Variants in ATG5 observed in about 807,000 individuals in gnomAD.
ATG5 encodes autophagy protein 5.
A neutral mutation model predicts 36.5 loss-of-function variants in ATG5; 14 were observed. The observed-to-expected ratio is 0.38, with a 90% CI of 0.25 to 0.60. The LOEUF is 0.60. ATG5 is among the 20% of genes least tolerant of loss of function. The pLI is 0.60. For missense variants in ATG5, 195 were observed against 326.7 expected, an observed-to-expected ratio of 0.60 and a Z score of 3.11; for synonymous variants, 95 against 101.5, an observed-to-expected ratio of 0.94 and a Z score of 0.38.
At chr6:106,307,855 C>T (rs1770507949) in intron 3 of ATG5, among the ~76,000 whole-genome samples, 2 of 152,010 alleles carry the variant, frequency 1.3e-5, no homozygotes, top group African/African-American at 4.8e-5. Context: ...CTTAAAAATG[C>T]AAAACATCAA....
At chr6:106,288,862 G>T (rs1000955453) in intron 4 of ATG5, among the ~76,000 whole-genome samples, 2 of 152,116 alleles carry the variant, frequency 1.3e-5, no homozygotes, top group African/African-American at 4.8e-5. Flanking sequence ...TTAAAAATTA[G>T]AGGAAATATG....
intron 5 of ATG5, among the ~76,000 whole-genome samples, chr6:106,249,248 G>C (rs918702313): frequency 1.3e-5 from 2 of 152,100 alleles, no homozygotes; most frequent in Admixed American, 1.3e-4. Context: ...ACTATTAATA[G>C]TCACTTCCCA....
intron 6 of ATG5, among the ~76,000 whole-genome samples, chr6:106,224,059 T>C (rs866293175): frequency 2.6e-5 from 4 of 152,218 alleles, no homozygotes; most frequent in Non-Finnish European, 5.9e-5. Flanking sequence ...CTGGGGCATA[T>C]GTGAAGAAAT....
intron 7 of ATG5, among the ~76,000 whole-genome samples, chr6:106,190,873 A>G (rs1775942868): frequency 6.6e-6 from 1 of 152,204 alleles, no homozygotes; most frequent in South Asian, 2.1e-4. Context: ...CATAGATACA[A>G]TGACTGTTAT....
intron 6 of ATG5, among the ~76,000 whole-genome samples, chr6:106,208,860 G>T (rs1159330392): frequency 1.3e-5 from 2 of 151,852 alleles, no homozygotes; most frequent in African/African-American, 4.8e-5. Flanking sequence ...TTAGAAAATG[G>T]GCAAAAGACA....
chr6:106,192,204 G>T lies in ATG5; in HGVS notation c.692-5528C>A, dbSNP rs998463860. 9.9e-5 allele frequency among the ~76,000 whole-genome samples: 15 copies of T among 151,160 alleles called. 2 individuals are homozygous for T. The highest frequency in any genetic ancestry group is 7.9e-4 in the Admixed American group (12 of 15,180). On this transcript the variant is annotated intron_variant, in intron 7 of 7. Coordinates refer to ENST00000369076, the MANE Select transcript of ATG5 (RefSeq NM_004849.4). ...TGTACTACAGATATATCATTTAATA[G>T]ACTTTAGGTAAGGTTATTTTTTTTA...
intron 5 of ATG5, among the ~76,000 whole-genome samples, chr6:106,274,763 C>T (rs909912244): frequency 5.9e-5 from 9 of 152,116 alleles, no homozygotes; most frequent in Admixed American, 3.9e-4. Flanking sequence ...AGAAGTCATG[C>T]AGTTAATATT....
At chr6:106,313,817 A>T (rs1770743108) in intron 2 of ATG5, among the ~76,000 whole-genome samples, 1 of 152,220 alleles carries the variant, frequency 6.6e-6, no homozygotes, top group South Asian at 2.1e-4. Flanking sequence ...TGTAATTCTA[A>T]GACTAGCCAT....
At chr6:106,322,409 TTATAATCTATGC>T (rs1771120265) in intron 1 of ATG5, among the ~76,000 whole-genome samples, 2 of 152,056 alleles carry the variant, frequency 1.3e-5, no homozygotes, top group Non-Finnish European at 2.9e-5. Context: ...AGAAAAAAAA[TTATAATCTATGC>T]TGGCTGGTCT....
intron 3 of ATG5, among the ~76,000 whole-genome samples, chr6:106,299,196 T>C (rs561238272): frequency 6.8e-4 from 103 of 152,332 alleles, no homozygotes; most frequent in Non-Finnish European, 1.2e-3. Flanking sequence ...TAAACCCTTA[T>C]ATTAAATGGC....
chr6:106,215,717 C>T (rs541256470), intron 6 of ATG5, among the ~76,000 whole-genome samples: 3 of 151,896 alleles, frequency 2.0e-5, no homozygotes, highest in Non-Finnish European at 4.4e-5. Flanking sequence ...TTCTTACATA[C>T]GGCAACCTAA....
intron 5 of ATG5, among the ~76,000 whole-genome samples, chr6:106,275,442 C>T (rs1226215099): frequency 1.3e-5 from 2 of 152,148 alleles, no homozygotes; most frequent in Non-Finnish European, 2.9e-5. Context: ...AGCTCAATTA[C>T]AGTAGTGTAA....
chr6:106,316,067 T>G (rs772658835), intron 2 of ATG5, 34 bp downstream of exon 2: 1 of 1,538,694 alleles, frequency 6.5e-7, no homozygotes, highest in Non-Finnish European at 8.9e-7. Context: ...TGGACAAGGT[T>G]AAATATCCCA....
intron 5 of ATG5, among the ~76,000 whole-genome samples, chr6:106,272,763 TC>T (rs1779500597): frequency 1.3e-5 from 2 of 152,160 alleles, no homozygotes; most frequent in East Asian, 1.9e-4. Context: ...ACTACTACGG[TC>T]CGGGCATGAT....
intron 5 of ATG5, among the ~76,000 whole-genome samples, chr6:106,279,000 T>C (rs1779770726): frequency 6.6e-6 from 1 of 152,238 alleles, no homozygotes; most frequent in South Asian, 2.1e-4. Flanking sequence ...GTTGGGGACC[T>C]GGTGTTACTT....
intron 4 of ATG5, among the ~76,000 whole-genome samples, chr6:106,286,221 A>G (rs1780073640): frequency 6.6e-6 from 1 of 152,100 alleles, no homozygotes; most frequent in African/African-American, 2.4e-5. Context: ...CAGAACTCCA[A>G]TTTGTGCATC....
At chr6:106,320,277 G>A (rs978813340) in intron 1 of ATG5, among the ~76,000 whole-genome samples, 1 of 152,176 alleles carries the variant, frequency 6.6e-6, no homozygotes, top group Non-Finnish European at 1.5e-5. Context: ...CATGGGGCAG[G>A]GGAAAGAGGA....
intron 2 of ATG5, among the ~76,000 whole-genome samples, chr6:106,311,948 A>T (rs1770661434): frequency 6.6e-6 from 1 of 151,634 alleles, no homozygotes; most frequent in Non-Finnish European, 1.5e-5. Flanking sequence ...CTCCTGCCTC[A>T]GTCTCCCAGG....
chr6:106,297,203 C>T (rs907142227), intron 3 of ATG5, among the ~76,000 whole-genome samples: 3 of 152,062 alleles, frequency 2.0e-5, no homozygotes, highest in Non-Finnish European at 2.9e-5. Context: ...ATGACAAAAA[C>T]CTGGACCATT....
Sources: gnomAD v4.1 joint callset for allele counts (sites outside exome capture counted in the v4.1 genomes callset) on GRCh38, gnomAD v4.1.1 for gene constraint, MANE v1.5 for transcripts, NCBI Gene and HGNC (gene_info 2026-07-23, HGNC 2026-07-21) for gene names.